The following NXF3 variants were observed in gnomAD, a reference collection of about 807,000 sequenced individuals.
NXF3 encodes the protein TAP-like protein 3.
A neutral mutation model predicts 48.4 loss-of-function variants in NXF3; 34 were observed. The ratio of observed to expected loss-of-function variants is 0.70; its 90% CI spans 0.53 to 0.93. NXF3 has a LOEUF of 0.93. NXF3 is among the 40% of genes least tolerant of loss of function. NXF3 has a pLI of 0.00. For synonymous variants in NXF3, 132 were observed against 145.7 expected (o/e 0.91, Z 0.68); for missense variants, 359 against 406.1 (o/e 0.88, Z 1.00).
chrX:103,080,483 A>G, intron 10 of NXF3, 93 bp downstream of exon 10: 1 of 936,478 alleles, frequency 1.1e-6, no homozygotes. Context: ...TAGCTCCAAA[A>G]ATGTAACTGG....
At chrX:103,077,921 ATTACC>A (rs1311692732) in intron 17 of NXF3, among the ~76,000 whole-genome samples, 175 bp from the exon 18 acceptor site, 1 of 111,401 alleles carries the variant, frequency 9.0e-6, no homozygotes, top group Non-Finnish European at 1.9e-5. Context: ...CTTTGGAGAG[ATTACC>A]TACATGCTTC....
intron 9 of NXF3, chrX:103,082,038 G>A: frequency 2.4e-6 from 1 of 416,105 alleles, no homozygotes; most frequent in Non-Finnish European, 4.3e-6. Context: ...GAGACAGGTG[G>A]GAAACACATC....
intron 1 of NXF3, among the ~76,000 whole-genome samples, chrX:103,092,447 A>T (rs1161023423): frequency 1.6e-4 from 18 of 112,937 alleles, no homozygotes; most frequent in Non-Finnish European, 3.2e-4. Context: ...AACTGATCTA[A>T]GTAAATAGAG....
intron 1 of NXF3, among the ~76,000 whole-genome samples, chrX:103,091,352 T>C (rs1048411648): frequency 6.6e-4 from 74 of 112,252 alleles, no homozygotes; most frequent in African/African-American, 2.1e-3. Context: ...TCTGCCTCTG[T>C]GAATTAAACC....
chrX:103,079,815 C>T lies in NXF3; in HGVS notation c.1108G>A (p.Asp370Asn), dbSNP rs369030730. Residue 370 changes from aspartate to asparagine, a missense_variant, in exon 13 of 20, where the codon GAT (aspartate) becomes AAT (asparagine). Physicochemically the swap from Asp to Asn is conservative, Grantham distance 23. Transcript: ENST00000395065. ...DRQGLLSAYH[D>N]EACFSLSIPF... ...ATGCTCAGGGAGAAGCAGGCCTCAT[C>T]GTGGTAAGCACTAAGGAGACCCTGT... 1.2e-5 allele frequency: 15 copies of T among 1,209,043 alleles called. No homozygotes were observed. In the African/African-American group the frequency reaches 1.6e-4, roughly 13 times the overall value.
chrX:103,092,959 G>A, intron 1 of NXF3, 37 bp downstream of exon 1: 1 of 1,192,723 alleles, frequency 8.4e-7, no homozygotes, highest in Non-Finnish European at 1.1e-6. Flanking sequence ...TTTGCCCTGT[G>A]AGACCTGAGA....
intron 18 of NXF3, among the ~76,000 whole-genome samples, 196 bp downstream of exon 18, chrX:103,077,418 T>C (rs1439091385): frequency 1.8e-5 from 2 of 109,599 alleles, no homozygotes; most frequent in Non-Finnish European, 3.8e-5. Flanking sequence ...GCCCAGCTAA[T>C]TTTTTTTCTA....
chrX:103,092,409 A>G lies in NXF3; in HGVS notation c.28+587T>C, dbSNP rs185999926. On this transcript the variant is annotated intron_variant, in intron 1 of 19. Transcript: ENST00000395065. ...AATTTGTATGCATGTCTTAACATGG[A>G]CCAATCTATGTTTAGATACAAAGCA... Among the ~76,000 whole-genome samples the G allele has an allele frequency of 2.7e-5, 3 of 112,568 alleles. No individual in the cohort carries two copies. In the East Asian group the frequency reaches 8.3e-4, roughly 31 times the overall value.
chrX:103,078,224 G>A (rs1200672756), intron 17 of NXF3, among the ~76,000 whole-genome samples: 1 of 111,423 alleles, frequency 9.0e-6, no homozygotes, highest in Admixed American at 9.5e-5. Flanking sequence ...AACCTCCTGG[G>A]CTCAAGATCC....
At chrX:103,085,763 C>T (rs990488853) in intron 1 of NXF3, among the ~76,000 whole-genome samples, 1 of 108,491 alleles carries the variant, frequency 9.2e-6, no homozygotes, top group Admixed American at 9.8e-5. Context: ...ATTAGCCGGG[C>T]GTGATGGCGG....
chrX:103,080,005 A>T lies in NXF3; in HGVS notation c.1052+8T>A. ...CTTCTCTTGCCTCAGATTCCCAGGG[A>T]TACTTACTGCTGCAGGAATTGCAGG... On this transcript the variant is annotated splice_region_variant and intron_variant, in intron 12 of 19. Coordinates refer to ENST00000395065, the MANE Select transcript of NXF3 (RefSeq NM_022052.2). 8.3e-7 allele frequency: 1 copy of T among 1,210,667 alleles called. No individual in the cohort carries two copies. Among genetic ancestry groups the T allele is most frequent in the Non-Finnish European group, 1.1e-6 (1 of 894,718 alleles).
chrX:103,082,486 C>T (rs1044938225), intron 8 of NXF3, 122 bp from the exon 9 acceptor site: 1 of 494,005 alleles, frequency 2.0e-6, no homozygotes, highest in Non-Finnish European at 3.5e-6. Context: ...CCTAATGAAC[C>T]CTCCTCCCCC....
intron 1 of NXF3, among the ~76,000 whole-genome samples, chrX:103,087,004 G>A (rs1922173708): frequency 8.9e-6 from 1 of 112,158 alleles, no homozygotes; most frequent in East Asian, 2.8e-4. Context: ...GAGAAGTGGA[G>A]AGACTCCCAG....
intron 1 of NXF3, chrX:103,089,175 T>C: frequency 1.4e-6 from 1 of 724,153 alleles, no homozygotes; most frequent in South Asian, 2.1e-5. Context: ...ATGCTCAGTT[T>C]GTGGCAAAAC....
chrX:103,077,592 A>C, intron 18 of NXF3, 22 bp downstream of exon 18: 2 of 1,209,028 alleles, frequency 1.7e-6, no homozygotes, highest in South Asian at 3.5e-5. Flanking sequence ...CATCCCCCAG[A>C]CTGGGCAGAG....
chrX:103,078,771 G>T, intron 16 of NXF3, 139 bp from the exon 17 acceptor site: 1 of 967,011 alleles, frequency 1.0e-6, no homozygotes, highest in Non-Finnish European at 1.5e-6. Context: ...GAGTGAGGCG[G>T]ATGTGGTAGG....
In NXF3 at chrX:103,079,726, C is replaced by T. The variant is rs781448304; in HGVS notation, c.1160+37G>A. ...CTGGTGTCTTTCTGCAGGGGAGTCACATGGCCCTGGACCAGGGTCGGAGCT... is the reference window on the plus strand; with the variant it reads ...CTGGTGTCTTTCTGCAGGGGAGTCATATGGCCCTGGACCAGGGTCGGAGCT... On this transcript the variant is annotated intron_variant, in intron 13 of 19. Transcript: ENST00000395065. 14 of 1,192,893 alleles carry T rather than the reference C, an allele frequency of 1.2e-5. No individual in the cohort carries two copies. The South Asian group carries it at 2.5e-4, about 21-fold the overall frequency.
intron 1 of NXF3, 140 bp downstream of exon 1, chrX:103,092,856 C>T (rs768210645): frequency 3.8e-5 from 23 of 609,847 alleles, no homozygotes; most frequent in African/African-American, 8.7e-5. Context: ...AAGACTCAGG[C>T]CTGGGCCCTT....
intron 5 of NXF3, 36 bp downstream of exon 5, chrX:103,083,362 C>A: frequency 8.5e-7 from 1 of 1,179,136 alleles, no homozygotes; most frequent in East Asian, 3.0e-5. Context: ...TGCCCTCTTG[C>A]TCGATGCTAG....
Sources: gnomAD v4.1 joint callset for allele counts (sites outside exome capture counted in the v4.1 genomes callset) on GRCh38, gnomAD v4.1.1 for gene constraint, MANE v1.5 for transcripts, NCBI Gene and HGNC (gene_info 2026-07-23, HGNC 2026-07-21) for gene names.